The following RBFOX1 variants were observed in gnomAD, a reference collection of about 807,000 sequenced individuals.
RBFOX1 encodes the protein RNA binding protein fox-1 homolog 1.
Under a neutral mutation model 57.7 loss-of-function variants are expected in RBFOX1, and 8 were observed. The ratio of observed to expected loss-of-function variants is 0.14; its 90% CI spans 0.08 to 0.25. RBFOX1 has a LOEUF of 0.25. Ranked by LOEUF, RBFOX1 falls within the 10% of genes least tolerant of loss-of-function variation. The pLI is 1.00. For synonymous variants in RBFOX1, 326 were observed against 222.4 expected, an observed-to-expected ratio of 1.47 and a Z score of -4.15; for missense variants, 611 against 548.5, an observed-to-expected ratio of 1.11 and a Z score of -1.14.
At chr16:6,584,745 G>A (rs2097583532) in intron 2 of RBFOX1, among the ~76,000 whole-genome samples, 1 of 152,112 alleles carries the variant, frequency 6.6e-6, no homozygotes. Flanking sequence ...GCTGGAAGAT[G>A]TGAATTGCCA....
chr16:5,970,681 C>T (rs553427205), intron 4 of RBFOX1, among the ~76,000 whole-genome samples: 33 of 152,182 alleles, frequency 2.2e-4, no homozygotes, highest in African/African-American at 7.7e-4. Flanking sequence ...AGACCTGAGT[C>T]ATGAATATGG....
intron 4 of RBFOX1, among the ~76,000 whole-genome samples, chr16:5,938,549 A>G (rs2059214565): frequency 6.6e-6 from 1 of 152,114 alleles, no homozygotes; most frequent in African/African-American, 2.4e-5. Context: ...TCTACAACCT[A>G]TTTCACTAAG....
At chr16:7,022,073 C>T (rs1327457217) in intron 3 of RBFOX1, among the ~76,000 whole-genome samples, 2 of 124,508 alleles carry the variant, frequency 1.6e-5, no homozygotes, top group Non-Finnish European at 3.3e-5. Flanking sequence ...CTTTCCTTTC[C>T]TTTCCTTTCC....
intron 4 of RBFOX1, among the ~76,000 whole-genome samples, chr16:5,966,537 A>C (rs1014438573): frequency 3.7e-4 from 57 of 152,316 alleles, no homozygotes; most frequent in Admixed American, 3.7e-3. Context: ...GGCTCACTGC[A>C]ATCTCCGCCT....
chr16:7,193,509 A>T (rs1424768830), intron 4 of RBFOX1, among the ~76,000 whole-genome samples: 1 of 152,234 alleles, frequency 6.6e-6, no homozygotes, highest in African/African-American at 2.4e-5. Context: ...AATACAGGCA[A>T]GTAATCAATA....
chr16:7,528,432 C>A (rs1259643441), intron 5 of RBFOX1, among the ~76,000 whole-genome samples: 2 of 152,266 alleles, frequency 1.3e-5, no homozygotes, highest in Non-Finnish European at 1.5e-5. Flanking sequence ...TTTGAAGGAC[C>A]TAATTCCCTC....
At chr16:6,310,935 A>C (rs2080196440) in intron 1 of RBFOX1, among the ~76,000 whole-genome samples, 1 of 151,902 alleles carries the variant, frequency 6.6e-6, no homozygotes, top group South Asian at 2.1e-4. Flanking sequence ...AGAATCCCAG[A>C]CATAGGAAAC....
chr16:7,140,170 C>CTG (rs1461384275), intron 4 of RBFOX1, among the ~76,000 whole-genome samples: 2 of 146,614 alleles, frequency 1.4e-5, no homozygotes, highest in Non-Finnish European at 3.0e-5. Flanking sequence ...CTCTCTCTCT[C>CTG]TCTCTCTCTC....
intron 4 of RBFOX1, among the ~76,000 whole-genome samples, chr16:7,378,027 T>C (rs1404282913): frequency 6.6e-6 from 1 of 152,150 alleles, no homozygotes; most frequent in Non-Finnish European, 1.5e-5. Flanking sequence ...AGAATAAGCT[T>C]GACATGTCTG....
At chr16:6,364,918 T>C (rs2089289158) in intron 2 of RBFOX1, among the ~76,000 whole-genome samples, 1 of 152,070 alleles carries the variant, frequency 6.6e-6, no homozygotes, top group African/African-American at 2.4e-5. Context: ...CCTTTTACGA[T>C]ATTCACCCAA....
At chr16:5,482,677 G>A (rs2069586754) in intron 2 of RBFOX1, among the ~76,000 whole-genome samples, 1 of 152,202 alleles carries the variant, frequency 6.6e-6, no homozygotes, top group African/African-American at 2.4e-5. Flanking sequence ...AGGGGCATGA[G>A]GCAGAGAATG....
At chr16:6,840,763 T>G (rs2093413285) in intron 3 of RBFOX1, among the ~76,000 whole-genome samples, 2 of 151,856 alleles carry the variant, frequency 1.3e-5, no homozygotes, top group Admixed American at 6.6e-5. Flanking sequence ...GGTGTGCACC[T>G]GTAGTCCCAG....
At chr16:7,237,937 G>A (rs2093854595) in intron 4 of RBFOX1, among the ~76,000 whole-genome samples, 1 of 152,220 alleles carries the variant, frequency 6.6e-6, no homozygotes, top group Non-Finnish European at 1.5e-5. Context: ...CCTGGAGATG[G>A]AGGTTACAGT....
At chr16:6,266,600 G>A (rs531610511) in intron 1 of RBFOX1, among the ~76,000 whole-genome samples, 2 of 152,072 alleles carry the variant, frequency 1.3e-5, no homozygotes, top group East Asian at 3.9e-4. Context: ...TGTAATCCCA[G>A]CTACTCAGGG....
At chr16:5,871,683 A>C (rs982149583) in intron 4 of RBFOX1, among the ~76,000 whole-genome samples, 1 of 152,180 alleles carries the variant, frequency 6.6e-6, no homozygotes, top group Non-Finnish European at 1.5e-5. Flanking sequence ...CACGTTGTCT[A>C]TGCTGACAGC....
At chr16:6,444,313 G>C (rs915027226) in intron 2 of RBFOX1, among the ~76,000 whole-genome samples, 2 of 152,030 alleles carry the variant, frequency 1.3e-5, no homozygotes, top group Non-Finnish European at 2.9e-5. Context: ...AAAAGCCAAT[G>C]TTCCAAGCAG....
rs547245957 is a variant in RBFOX1, at chr16:5,384,761, C to G, written c.220-82455C>G. On this transcript the variant is annotated intron_variant, in intron 1 of 2. Coordinates refer to the RBFOX1 transcript ENST00000585867. ...GAACATCAAAGATATGGACTAGAGA[C>G]TCTAGGGCCAGCTACTCACTAGCTG... Among the ~76,000 whole-genome samples the G allele has an allele frequency of 9.2e-5, 14 of 152,300 alleles. No individual in the cohort carries two copies. In the South Asian group the frequency reaches 2.9e-3, roughly 32 times the overall value.
intron 2 of RBFOX1, among the ~76,000 whole-genome samples, chr16:6,435,843 C>G (rs1463832063): frequency 6.6e-6 from 1 of 152,138 alleles, no homozygotes; most frequent in Non-Finnish European, 1.5e-5. Flanking sequence ...ATGGACTTAT[C>G]TCACATGTGC....
chr16:6,639,439 AG>A (rs529764916), intron 2 of RBFOX1, among the ~76,000 whole-genome samples: 41 of 152,292 alleles, frequency 2.7e-4, no homozygotes, highest in Non-Finnish European at 2.9e-5. Flanking sequence ...TGTGGCCAGT[AG>A]GGGTCTGTTT....
Sources: gnomAD v4.1 joint callset for allele counts (sites outside exome capture counted in the v4.1 genomes callset) on GRCh38, gnomAD v4.1.1 for gene constraint, MANE v1.5 for transcripts, NCBI Gene and HGNC (gene_info 2026-07-23, HGNC 2026-07-21) for gene names.